Variants in CACNA1D observed in about 807,000 individuals in gnomAD.
The protein encoded by CACNA1D is voltage-dependent L-type calcium channel subunit alpha-1D.
In CACNA1D, 55 loss-of-function variants were observed where a neutral mutation model predicts 257.1. The observed-to-expected ratio is 0.21, with a 90% CI of 0.17 to 0.27. CACNA1D has a LOEUF of 0.27. Among genes scored for constraint, CACNA1D ranks in the 10% least tolerant of loss-of-function variants. CACNA1D has a pLI of 1.00. For synonymous variants in CACNA1D, 980 were observed against 1,014.9 expected (o/e 0.97, Z 0.65); for missense variants, 1,876 against 2,784.0 (o/e 0.67, Z 7.34).
At chr3:53,659,653 T>C (rs748997417) in intron 4 of CACNA1D, among the ~76,000 whole-genome samples, 6 of 152,252 alleles carry the variant, frequency 3.9e-5, no homozygotes, top group Non-Finnish European at 8.8e-5. Flanking sequence ...CTGCTAGTTG[T>C]GTGACCTTGG....
rs533143733 is a variant in CACNA1D, at chr3:53,607,190, A to C, written c.484-43589A>C. On this transcript the variant is annotated intron_variant, in intron 3 of 47. Coordinates refer to ENST00000350061, the MANE Select transcript of CACNA1D (RefSeq NM_001128840.3). Reference sequence around the variant, plus strand: ...ATTACCCTTGGGAAAAATAGCAAAGACTGCAGTTGCTGGGCCATATTGTAT... The same window carrying C: ...ATTACCCTTGGGAAAAATAGCAAAGCCTGCAGTTGCTGGGCCATATTGTAT... Among the ~76,000 whole-genome samples, 8 of 152,352 alleles carry C rather than the reference A, an allele frequency of 5.3e-5. No homozygotes were observed. The South Asian group carries it at 1.7e-3, about 32-fold the overall frequency.
intron 8 of CACNA1D, chr3:53,679,119 A>C (rs1469775470): frequency 6.6e-6 from 1 of 151,290 alleles, no homozygotes; most frequent in Non-Finnish European, 1.5e-5. Context: ...AAAATACAAA[A>C]ATTAGCCAGG....
chr3:53,709,255 A>G (rs1399620086), intron 9 of CACNA1D, among the ~76,000 whole-genome samples: 1 of 152,236 alleles, frequency 6.6e-6, no homozygotes, highest in Non-Finnish European at 1.5e-5. Flanking sequence ...GTGGGTGAAT[A>G]CATTCATTCT....
intron 3 of CACNA1D, among the ~76,000 whole-genome samples, chr3:53,613,015 TC>T (rs1392378953): frequency 6.6e-6 from 1 of 152,168 alleles, no homozygotes; most frequent in Non-Finnish European, 1.5e-5. Flanking sequence ...AAAATGCAGT[TC>T]TGTAGGATTA....
At chr3:53,790,456 C>A (rs970941049) in intron 40 of CACNA1D, among the ~76,000 whole-genome samples, 1 of 152,234 alleles carries the variant, frequency 6.6e-6, no homozygotes, top group Non-Finnish European at 1.5e-5. Context: ...CCGGTGGAAT[C>A]CGAGGACACT....
chr3:53,553,406 C>G (rs551522018), intron 3 of CACNA1D, among the ~76,000 whole-genome samples: 2 of 152,300 alleles, frequency 1.3e-5, no homozygotes, highest in East Asian at 3.9e-4. Flanking sequence ...CCTCCTGTTC[C>G]TCACGCATTT....
At chr3:53,798,309 G>A (rs1044975148) in intron 40 of CACNA1D, among the ~76,000 whole-genome samples, 14 of 68,744 alleles carry the variant, frequency 2.0e-4, no homozygotes, top group Middle Eastern at 6.8e-3. Context: ...GTATGTGTGC[G>A]TGTGTGTGTG....
chr3:53,609,421 A>C (rs978014029), intron 3 of CACNA1D, among the ~76,000 whole-genome samples: 12 of 151,944 alleles, frequency 7.9e-5, no homozygotes, highest in Admixed American at 3.3e-4. Flanking sequence ...AAAAAAAAAA[A>C]AAAAAAAAAA....
At chr3:53,549,173 T>C (rs3774440) in intron 3 of CACNA1D, among the ~76,000 whole-genome samples, 25,572 of 152,222 alleles carry the variant, frequency 0.17, 2,632 homozygotes, top group Non-Finnish European at 0.24. Flanking sequence ...GGGGTTTAGC[T>C]CTACAGATCA....
intron 40 of CACNA1D, among the ~76,000 whole-genome samples, chr3:53,790,313 A>T (rs189267859): frequency 1.3e-5 from 2 of 152,380 alleles, no homozygotes; most frequent in African/African-American, 4.8e-5. Flanking sequence ...AGATGAGGAC[A>T]TCTGTGCAAG....
At chr3:53,631,848 T>C (rs1372682792) in intron 3 of CACNA1D, among the ~76,000 whole-genome samples, 1 of 152,216 alleles carries the variant, frequency 6.6e-6, no homozygotes, top group African/African-American at 2.4e-5. Flanking sequence ...TGAAAGGAGC[T>C]TTTTTCTGAG....
intron 3 of CACNA1D, among the ~76,000 whole-genome samples, chr3:53,527,040 G>T (rs1404167553): frequency 6.6e-6 from 1 of 152,170 alleles, no homozygotes; most frequent in Non-Finnish European, 1.5e-5. Flanking sequence ...AAACATTATA[G>T]CCCTCACAGA....
At chr3:53,619,888 T>C (rs1183587595) in intron 3 of CACNA1D, among the ~76,000 whole-genome samples, 1 of 152,180 alleles carries the variant, frequency 6.6e-6, no homozygotes, top group Non-Finnish European at 1.5e-5. Flanking sequence ...TTATTGAATG[T>C]CCGCTTGGTG....
chr3:53,727,098 G>A, intron 15 of CACNA1D, 99 bp downstream of exon 15: 2 of 1,412,210 alleles, frequency 1.4e-6, no homozygotes, highest in Non-Finnish European at 2.0e-6. Context: ...GGTAGTAGTT[G>A]TGGCAGGGAG....
chr3:53,501,639 G>T lies in CACNA1D; in HGVS notation c.402G>T (p.Leu134Phe). 6.3e-7 allele frequency: 1 copy of T among 1,581,452 alleles called. No individual in the cohort carries two copies. Among genetic ancestry groups the T allele is most frequent in the Non-Finnish European group, 8.7e-7 (1 of 1,151,068 alleles). Residue 134 changes from leucine (L) to phenylalanine (F), a missense_variant, in exon 3 of 48, where the codon TTG becomes TTT. Physicochemically the swap from Leu to Phe is conservative, Grantham distance 22. Coordinates refer to ENST00000350061, the MANE Select transcript of CACNA1D (RefSeq NM_001128840.3). ...EWKPFDIFIL[L>F]AIFANCVALA... ...GACCATTTGACATATTTATATTATT[G>T]GCTATTTTTGCCAATTGTGTGGCCT...
intron 3 of CACNA1D, among the ~76,000 whole-genome samples, chr3:53,640,443 C>T (rs985654308): frequency 9.9e-5 from 15 of 152,118 alleles, no homozygotes; most frequent in East Asian, 1.9e-4. Flanking sequence ...AAATGTAGCC[C>T]GAGATAATGG....
rs572207824 is a variant in CACNA1D at position 53,677,029 on chromosome 3, C to G, written c.1220+3903C>G. Among the ~76,000 whole-genome samples the G allele has an allele frequency of 3.3e-5, 5 of 152,304 alleles. No homozygotes were observed. The South Asian group carries it at 1.0e-3, about 32-fold the overall frequency. ...AAGTCTGCAATTCAGACATATTACA[C>G]GTGGTCTTCTAGAAGTTTGGCAATT... On this transcript the variant is annotated intron_variant, in intron 8 of 47. Transcript: ENST00000350061.
intron 35 of CACNA1D, among the ~76,000 whole-genome samples, chr3:53,776,249 A>G (rs528981233): frequency 6.6e-6 from 1 of 152,346 alleles, no homozygotes; most frequent in South Asian, 2.1e-4. Flanking sequence ...TTTGGTGCTC[A>G]CTAATCGGCT....
chr3:53,801,570 C>A (rs902014909), intron 42 of CACNA1D, 145 bp downstream of exon 42: 6 of 1,030,314 alleles, frequency 5.8e-6, no homozygotes, highest in Non-Finnish European at 9.0e-6. Flanking sequence ...TCTGTGAGTG[C>A]CCCCCAGGTC....
Sources: gnomAD v4.1 joint callset for allele counts (sites outside exome capture counted in the v4.1 genomes callset) on GRCh38, gnomAD v4.1.1 for gene constraint, MANE v1.5 for transcripts, NCBI Gene and HGNC (gene_info 2026-07-23, HGNC 2026-07-21) for gene names.